Variants in DSCAM observed in about 807,000 individuals in gnomAD.
DSCAM encodes the protein cell adhesion molecule DSCAM.
DSCAM carries 47 observed loss-of-function variants against 217.7 expected under a neutral mutation model. The ratio of observed to expected loss-of-function variants is 0.22; its 90% CI spans 0.17 to 0.28. The LOEUF is 0.28. Among genes scored for constraint, DSCAM ranks in the 10% least tolerant of loss-of-function variants. The probability of loss-of-function intolerance (pLI) is 1.00; values close to 1 mark genes in which losing one functional copy is unlikely to be tolerated. For synonymous variants in DSCAM, 1,056 were observed against 1,015.3 expected (o/e 1.04, Z -0.76); for missense variants, 2,080 against 2,618.3 (o/e 0.79, Z 4.49).
chr21:40,789,285 C>T (rs1319201024), intron 1 of DSCAM, among the ~76,000 whole-genome samples: 2 of 150,578 alleles, frequency 1.3e-5, no homozygotes, highest in East Asian at 3.9e-4. Flanking sequence ...AAAAAAATCA[C>T]ACTTTCAGAG....
chr21:40,164,715 T>C (rs113024616), intron 16 of DSCAM, among the ~76,000 whole-genome samples: 2,219 of 152,142 alleles, frequency 0.015, 18 homozygotes, highest in Non-Finnish European at 0.022. Context: ...GGCAGGAGAA[T>C]TGCTTGAACT....
intron 11 of DSCAM, among the ~76,000 whole-genome samples, chr21:40,243,519 T>C (rs563838253): frequency 6.6e-6 from 1 of 152,284 alleles, no homozygotes; most frequent in East Asian, 1.9e-4. Flanking sequence ...AGCTTCTCAT[T>C]CAAAAACTAA....
At chr21:40,559,947 C>CCACG (rs1238968389) in intron 3 of DSCAM, among the ~76,000 whole-genome samples, 2 of 151,966 alleles carry the variant, frequency 1.3e-5, no homozygotes, top group Non-Finnish European at 2.9e-5. Context: ...CGCCCAACTA[C>CCACG]CATGCCCGGC....
intron 3 of DSCAM, among the ~76,000 whole-genome samples, chr21:40,447,104 C>T (rs1187404054): frequency 6.6e-6 from 1 of 152,128 alleles, no homozygotes; most frequent in Non-Finnish European, 1.5e-5. Context: ...TCCCTAGCAG[C>T]ACAGGGGTCA....
Position 40,312,118 on chromosome 21 carries a change from G to A in DSCAM, c.2025C>T (p.Ala675=), listed in dbSNP as rs371642108. Reference sequence around the variant, plus strand: ...ACTGGCTTTGGTGCTCCACAGCGGCGGCCTCATTCCGGGCTATGCAGGTGT... The same window carrying A: ...ACTGGCTTTGGTGCTCCACAGCGGCAGCCTCATTCCGGGCTATGCAGGTGT... ...GNYTCIARNE[A]AAVEHQSQLI... is the part of the protein sequence containing the mutation. Residue 675 remains alanine, a synonymous_variant, in exon 9 of 33, where the codon GCC becomes GCT. Coordinates refer to ENST00000400454, the MANE Select transcript of DSCAM (RefSeq NM_001389.5). 33 of 1,613,908 alleles carry A rather than the reference G, an allele frequency of 2.0e-5. 1 individual carries two copies. In the East Asian group the frequency reaches 3.3e-4, roughly 16 times the overall value.
intron 11 of DSCAM, among the ~76,000 whole-genome samples, chr21:40,247,546 C>T (rs1403138017): frequency 6.6e-6 from 1 of 152,246 alleles, no homozygotes; most frequent in Non-Finnish European, 1.5e-5. Context: ...CCAAAATGAT[C>T]TCCTTTGACT....
intron 4 of DSCAM, among the ~76,000 whole-genome samples, chr21:40,367,075 C>T (rs2074841034): frequency 6.6e-6 from 1 of 152,160 alleles, no homozygotes; most frequent in Non-Finnish European, 1.5e-5. Flanking sequence ...CTTCCACTAT[C>T]TTCAAGGACA....
At chr21:40,678,286 C>G (rs1036257693) in intron 3 of DSCAM, among the ~76,000 whole-genome samples, 21 of 152,088 alleles carry the variant, frequency 1.4e-4, no homozygotes, top group African/African-American at 4.8e-4. Flanking sequence ...AAAAGCATTG[C>G]CTTATCCAGA....
rs1195070659 is a variant in DSCAM at position 40,144,650 on chromosome 21, G to A, written c.3100C>T (p.Gln1034Ter). ...YREYSTGGNFQFNIISVDTSG... is the reference protein window; with the variant it reads ...YREYSTGGNF ...GTGTCGACACTGATAATGTTGAATTGGAAGTTACCCCCAGTGCTGTACTCT... is the reference window on the plus strand; with the variant it reads ...GTGTCGACACTGATAATGTTGAATTAGAAGTTACCCCCAGTGCTGTACTCT... Residue 1034 changes from glutamine (Q) to a stop codon, truncating the protein, a stop_gained, in exon 17 of 33, where the codon CAA becomes TAA. Coordinates refer to ENST00000400454, the MANE Select transcript of DSCAM (RefSeq NM_001389.5). LOFTEE classifies it high-confidence loss of function. This position sits in a 1 kb window ranked among gnomAD's most constrained non-coding sequence, Gnocchi z 4.8. 1 of 1,614,112 alleles carries A rather than the reference G, an allele frequency of 6.2e-7. No homozygotes were observed. The highest frequency in any genetic ancestry group is 8.5e-7 in the Non-Finnish European group (1 of 1,180,022).
At chr21:40,068,274 A>C (rs1479386441) in intron 27 of DSCAM, among the ~76,000 whole-genome samples, 1 of 152,134 alleles carries the variant, frequency 6.6e-6, no homozygotes, top group Non-Finnish European at 1.5e-5. Context: ...GAACAGTTAC[A>C]TTTGGGTGGC....
chr21:40,514,724 C>T (rs976988953), intron 3 of DSCAM, among the ~76,000 whole-genome samples: 1 of 152,146 alleles, frequency 6.6e-6, no homozygotes, highest in African/African-American at 2.4e-5. Flanking sequence ...TCCTTATTTT[C>T]GCTCTTATAC....
intron 11 of DSCAM, among the ~76,000 whole-genome samples, chr21:40,232,026 A>G (rs2091386531): frequency 6.6e-6 from 1 of 152,202 alleles, no homozygotes. Flanking sequence ...AAATGTTCCC[A>G]TATATCTACT....
intron 3 of DSCAM, among the ~76,000 whole-genome samples, chr21:40,378,839 C>T (rs898397911): frequency 6.6e-6 from 1 of 151,782 alleles, no homozygotes; most frequent in African/African-American, 2.4e-5. Context: ...GTGATCCGCC[C>T]GCCTCGGCCT....
chr21:40,237,007 C>A (rs2073089175), intron 11 of DSCAM, among the ~76,000 whole-genome samples: 1 of 152,222 alleles, frequency 6.6e-6, no homozygotes, highest in African/African-American at 2.4e-5. Flanking sequence ...AGCGCTAGCT[C>A]TTCAACAATT....
At chr21:40,545,196 A>C (rs2076572185) in intron 3 of DSCAM, among the ~76,000 whole-genome samples, 1 of 152,208 alleles carries the variant, frequency 6.6e-6, no homozygotes. Context: ...AGCCACATGG[A>C]CATCAGCAGA....
intron 8 of DSCAM, among the ~76,000 whole-genome samples, chr21:40,325,322 G>A (rs775281071): frequency 3.9e-5 from 6 of 152,098 alleles, no homozygotes; most frequent in African/African-American, 9.7e-5. Flanking sequence ...TAACTGACTC[G>A]ATATAGATAG....
intron 3 of DSCAM, among the ~76,000 whole-genome samples, chr21:40,684,990 A>ATT (rs1015795361): frequency 6.6e-6 from 1 of 152,216 alleles, no homozygotes; most frequent in African/African-American, 2.4e-5. Context: ...AATGAACTCC[A>ATT]TTTACACTTA....
At chr21:40,441,375 T>A (rs2075629027) in intron 3 of DSCAM, among the ~76,000 whole-genome samples, 1 of 152,182 alleles carries the variant, frequency 6.6e-6, no homozygotes, top group Non-Finnish European at 1.5e-5. Context: ...CATGTGTGAG[T>A]TGTCATGTGC....
intron 32 of DSCAM, among the ~76,000 whole-genome samples, chr21:40,017,067 C>T (rs2088171296): frequency 6.7e-6 from 1 of 148,554 alleles, no homozygotes; most frequent in South Asian, 2.1e-4. Context: ...TGCACGATTG[C>T]ACTCTATCCT....
Sources: allele counts gnomAD v4.1 joint callset (sites outside exome capture counted in the v4.1 genomes callset), GRCh38; gene constraint gnomAD v4.1.1; non-coding constraint Gnocchi (gnomAD v3.1); transcripts MANE v1.5; gene names NCBI Gene and HGNC (gene_info 2026-07-23, HGNC 2026-07-21).